Variants in GSG1L observed in about 807,000 individuals in gnomAD.
GSG1L encodes the protein germ cell-specific gene 1-like protein.
GSG1L carries 24 observed loss-of-function variants against 42.1 expected under a neutral mutation model. The ratio of observed to expected loss-of-function variants is 0.57; its 90% CI spans 0.41 to 0.80. The LOEUF (loss-of-function observed/expected upper bound fraction) is 0.80. Among genes scored for constraint, GSG1L ranks in the 30% least tolerant of loss-of-function variants. The probability of loss-of-function intolerance (pLI) is 0.00; values close to 1 mark genes in which losing one functional copy is unlikely to be tolerated. For missense variants in GSG1L, 445 were observed against 472.2 expected, an observed-to-expected ratio of 0.94 and a Z score of 0.53; for synonymous variants, 215 against 203.5, an observed-to-expected ratio of 1.06 and a Z score of -0.48.
intron 1 of GSG1L, among the ~76,000 whole-genome samples, chr16:28,051,882 T>A (rs951624451): frequency 1.3e-5 from 2 of 152,140 alleles, no homozygotes; most frequent in Non-Finnish European, 2.9e-5. Flanking sequence ...TCCAGCAGTA[T>A]GCAGTAGGAT....
At chr16:28,013,210 A>G (rs1596700803) in intron 1 of GSG1L, among the ~76,000 whole-genome samples, 1 of 121,004 alleles carries the variant, frequency 8.3e-6, no homozygotes, top group Admixed American at 9.0e-5. Context: ...CAAGAGCAAA[A>G]CTCTGACTCA....
intron 5 of GSG1L, chr16:27,824,021 A>T (rs1243350362): frequency 1.5e-6 from 1 of 676,780 alleles, no homozygotes; most frequent in African/African-American, 1.8e-5. Context: ...AGGGCCACAG[A>T]TAATAACGAG....
intron 2 of GSG1L, among the ~76,000 whole-genome samples, chr16:27,937,943 GC>G (rs2084737579): frequency 6.6e-6 from 1 of 152,052 alleles, no homozygotes; most frequent in African/African-American, 2.4e-5. Context: ...GATGACCATG[GC>G]CCCATGGTTG....
At chr16:27,848,257 G>A (rs889986605) in intron 3 of GSG1L, among the ~76,000 whole-genome samples, 1 of 152,186 alleles carries the variant, frequency 6.6e-6, no homozygotes, top group Non-Finnish European at 1.5e-5. Context: ...GCTCTCCCCT[G>A]AATCCCCAGC....
At chr16:27,967,254 T>A (rs1476099232) in intron 1 of GSG1L, among the ~76,000 whole-genome samples, 1 of 152,176 alleles carries the variant, frequency 6.6e-6, no homozygotes, top group Non-Finnish European at 1.5e-5. Flanking sequence ...GCCAGCCCCA[T>A]ATCAATGCAA....
intron 2 of GSG1L, among the ~76,000 whole-genome samples, chr16:27,908,922 A>G (rs2084349835): frequency 6.6e-6 from 1 of 152,042 alleles, no homozygotes; most frequent in African/African-American, 2.4e-5. Context: ...CCCCACCCCA[A>G]AGGCTGATAG....
At chr16:27,878,368 A>T (rs2083912895) in intron 3 of GSG1L, among the ~76,000 whole-genome samples, 1 of 152,140 alleles carries the variant, frequency 6.6e-6, no homozygotes, top group African/African-American at 2.4e-5. Context: ...CAGGAGAGAG[A>T]ATGAGTATTG....
chr16:27,988,098 A>G (rs567672626), intron 1 of GSG1L, among the ~76,000 whole-genome samples: 37 of 152,208 alleles, frequency 2.4e-4, no homozygotes, highest in Non-Finnish European at 4.0e-4. Context: ...ATACTGGAAT[A>G]TTAACTTTTA....
At chr16:27,889,236 C>G (rs549372783) in intron 2 of GSG1L, among the ~76,000 whole-genome samples, 1 of 152,118 alleles carries the variant, frequency 6.6e-6, no homozygotes, top group Non-Finnish European at 1.5e-5. Flanking sequence ...GTGATCCTCC[C>G]GCCTCGGCCT....
At chr16:28,056,957 G>A (rs1226130013) in intron 1 of GSG1L, among the ~76,000 whole-genome samples, 1 of 152,144 alleles carries the variant, frequency 6.6e-6, no homozygotes. Flanking sequence ...GGACATTTGA[G>A]CAGAGACTTG....
At chr16:27,865,253 C>T (rs1217175327) in intron 3 of GSG1L, among the ~76,000 whole-genome samples, 1 of 152,136 alleles carries the variant, frequency 6.6e-6, no homozygotes, top group East Asian at 1.9e-4. Flanking sequence ...CCCTCTGGCA[C>T]CCAACTCCTG....
At chr16:27,991,371 T>C (rs2085454036) in intron 1 of GSG1L, among the ~76,000 whole-genome samples, 1 of 152,120 alleles carries the variant, frequency 6.6e-6, no homozygotes, top group Non-Finnish European at 1.5e-5. Context: ...AATTCTCTTT[T>C]TGATTGTAGT....
At chr16:27,862,303 G>A (rs2083664205) in intron 3 of GSG1L, among the ~76,000 whole-genome samples, 1 of 152,098 alleles carries the variant, frequency 6.6e-6, no homozygotes, top group African/African-American at 2.4e-5. Flanking sequence ...GCTAAGGATG[G>A]TCTCCAGCCA....
At chr16:27,878,454 A>G (rs546774559) in intron 3 of GSG1L, among the ~76,000 whole-genome samples, 2 of 152,118 alleles carry the variant, frequency 1.3e-5, no homozygotes, top group Non-Finnish European at 2.9e-5. Flanking sequence ...AGCGTGGGGG[A>G]AACTTCCCCC....
intron 4 of GSG1L, among the ~76,000 whole-genome samples, chr16:27,829,609 C>A (rs917073248): frequency 6.6e-6 from 1 of 152,158 alleles, no homozygotes; most frequent in Non-Finnish European, 1.5e-5. Flanking sequence ...TGCAATGGTG[C>A]GATCATAGCT....
intron 6 of GSG1L, among the ~76,000 whole-genome samples, chr16:27,793,561 AG>A (rs2082779103): frequency 6.6e-6 from 1 of 152,156 alleles, no homozygotes; most frequent in Non-Finnish European, 1.5e-5. Flanking sequence ...ATAAGCATTT[AG>A]GCATAATTTT....
At chr16:27,924,844 C>CA (rs1333301395) in intron 2 of GSG1L, among the ~76,000 whole-genome samples, 1 of 152,182 alleles carries the variant, frequency 6.6e-6, no homozygotes, top group Non-Finnish European at 1.5e-5. Context: ...TTGACCCTTA[C>CA]AGTCATAATA....
intron 1 of GSG1L, among the ~76,000 whole-genome samples, chr16:27,974,737 C>G (rs1170259471): frequency 6.6e-6 from 1 of 152,130 alleles, no homozygotes; most frequent in Non-Finnish European, 1.5e-5. Flanking sequence ...TCTCAATGAC[C>G]AGCAATGACT....
At chr16:27,874,605 A>G (rs1263590920) in intron 3 of GSG1L, among the ~76,000 whole-genome samples, 1 of 151,934 alleles carries the variant, frequency 6.6e-6, no homozygotes, top group Admixed American at 6.6e-5. Flanking sequence ...GTGTGCCACC[A>G]TGCCCAGCTA....
Sources: gnomAD v4.1 joint callset for allele counts (sites outside exome capture counted in the v4.1 genomes callset) on GRCh38, gnomAD v4.1.1 for gene constraint, MANE v1.5 for transcripts, NCBI Gene and HGNC (gene_info 2026-07-23, HGNC 2026-07-21) for gene names.